The following ARHGEF10 variants were observed in gnomAD, a reference collection of about 807,000 sequenced individuals.
The protein encoded by ARHGEF10 is Rho guanine nucleotide exchange factor 10.
In ARHGEF10, 140 loss-of-function variants were observed where a neutral mutation model predicts 147.4. The observed-to-expected ratio is 0.95, with a 90% CI of 0.83 to 1.09. The LOEUF is 1.09. ARHGEF10 is among the 50% of genes least tolerant of loss of function. ARHGEF10 has a pLI of 0.00. For missense variants in ARHGEF10, 2,222 were observed against 1,752.7 expected, an observed-to-expected ratio of 1.27 and a Z score of -4.78; for synonymous variants, 902 against 695.8, an observed-to-expected ratio of 1.30 and a Z score of -4.67.
At chr8:1,827,423 C>G (rs985996203) in intron 1 of ARHGEF10, among the ~76,000 whole-genome samples, 3 of 152,158 alleles carry the variant, frequency 2.0e-5, no homozygotes, top group African/African-American at 7.2e-5. Context: ...ATTCTCCTGC[C>G]TCTGCCTCCC....
intron 11 of ARHGEF10, among the ~76,000 whole-genome samples, chr8:1,890,198 G>GT (rs1809368677): frequency 7.6e-6 from 1 of 131,834 alleles, no homozygotes; most frequent in Admixed American, 7.1e-5. Flanking sequence ...ACTGAATAGG[G>GT]TGAGGGTTGT....
intron 12 of ARHGEF10, among the ~76,000 whole-genome samples, 173 bp from the exon 13 acceptor site, chr8:1,894,220 C>G (rs1809781808): frequency 6.6e-6 from 1 of 150,946 alleles, no homozygotes; most frequent in African/African-American, 2.4e-5. Flanking sequence ...CCCCATGGAA[C>G]ATGCCTATAA....
At chr8:1,855,502 C>CT (rs1397675843) in intron 2 of ARHGEF10, among the ~76,000 whole-genome samples, 1 of 152,060 alleles carries the variant, frequency 6.6e-6, no homozygotes, top group Non-Finnish European at 1.5e-5. Context: ...CCACCTCAGC[C>CT]TTCGGAGTAG....
In ARHGEF10 at chr8:1,898,370, C is replaced by A. The variant is rs1050967232; in HGVS notation, c.1558-63C>A. On this transcript the variant is annotated intron_variant, in intron 14 of 28. Transcript: ENST00000349830. ...GTTCAGTGTGGTGGGGAGGAGGCGG[C>A]CCCAGGGGCAGGGAGGGCATGGCAG... The A allele has an allele frequency of 5.2e-5, 76 of 1,458,690 alleles. No homozygotes were observed. The Middle Eastern group carries it at 1.2e-3, about 23-fold the overall frequency. 90.4% of individuals were successfully genotyped at this position (1,458,690 alleles called of 1,614,324 possible). A position where few individuals can be genotyped will look rare whatever the true frequency, so the allele number is the denominator to read the frequency against.
intron 25 of ARHGEF10, among the ~76,000 whole-genome samples, chr8:1,931,332 A>G (rs1813125956): frequency 1.3e-5 from 2 of 152,236 alleles, no homozygotes; most frequent in South Asian, 4.1e-4. Flanking sequence ...CATTTCTATT[A>G]CGTAAAATGT....
In ARHGEF10 at chr8:1,952,230, A is replaced by G. The variant is rs77298812; in HGVS notation, c.3398-475A>G. Among the ~76,000 whole-genome samples, 72 of 152,320 alleles carry G rather than the reference A, an allele frequency of 4.7e-4. 2 individuals are homozygous for G. In the East Asian group the frequency reaches 0.014, roughly 29 times the overall value. On this transcript the variant is annotated intron_variant, in intron 27 of 28. Coordinates refer to ENST00000349830, the MANE Select transcript of ARHGEF10 (RefSeq NM_014629.4). The stretch of plus-strand genomic sequence containing the variant: ...CCGTTCAGTTCCCCTCTAGGGTCCA[A>G]CTGCGGCTGAGGGCCGGTTACTCGA...
rs761990265 is a variant in ARHGEF10 at position 1,933,947 on chromosome 8, G to A, written c.3222+5G>A. 1 of 1,614,168 alleles carries A rather than the reference G, an allele frequency of 6.2e-7. No individual in the cohort carries two copies. The highest frequency in any genetic ancestry group is 1.7e-5 in the Admixed American group (1 of 60,030). ...GTGGAGACTCATGCTGTAGAGGTAA[G>A]TCACTTAGGTGGCTACACGGTGTGG... On this transcript the variant is annotated splice_donor_5th_base_variant and intron_variant, in intron 26 of 28. Coordinates refer to ENST00000349830, the MANE Select transcript of ARHGEF10 (RefSeq NM_014629.4).
At position 1,869,482 on chromosome 8, in the gene ARHGEF10, C is replaced by T. The variant is rs557224637; in HGVS notation, c.679+232C>T. The T allele has an allele frequency of 6.2e-6, 4 of 644,376 alleles. No homozygotes were observed. The East Asian group carries it at 1.2e-4, about 19-fold the overall frequency. The allele number at this position is 644,376 out of a possible 1,614,324, so 39.9% of individuals were successfully genotyped here. A position where few individuals can be genotyped will look rare whatever the true frequency, so the allele number is the denominator to read the frequency against. The stretch of plus-strand genomic sequence containing the variant: ...TTTAATCTTACTTATCCCAAGCAAA[C>T]AGAGGAGTAAAGGTACAGAAAATGC... On this transcript the variant is annotated intron_variant, in intron 7 of 28. Coordinates refer to ENST00000349830, the MANE Select transcript of ARHGEF10 (RefSeq NM_014629.4).
intron 1 of ARHGEF10, among the ~76,000 whole-genome samples, chr8:1,838,172 C>G (rs1803705381): frequency 6.6e-6 from 1 of 152,184 alleles, no homozygotes; most frequent in Non-Finnish European, 1.5e-5. Context: ...TGCCTGGTGC[C>G]TTCCTTTCTC....
chr8:1,945,344 C>G (rs3779709), intron 26 of ARHGEF10, 137 bp from the exon 27 acceptor site: 1 of 1,045,514 alleles, frequency 9.6e-7, no homozygotes, highest in Non-Finnish European at 1.4e-6. Context: ...TTGCTGGAGA[C>G]GCCTGTGATT....
chr8:1,898,140 C>T (rs1295991290), intron 14 of ARHGEF10, among the ~76,000 whole-genome samples: 1 of 152,158 alleles, frequency 6.6e-6, no homozygotes, highest in Non-Finnish European at 1.5e-5. Flanking sequence ...ATGGCCAGAA[C>T]ACAGACACCC....
rs527748108 is a variant in ARHGEF10, at chr8:1,852,960, G to A, written c.38-5000G>A. On this transcript the variant is annotated intron_variant, in intron 2 of 28. Transcript: ENST00000349830. ...GCAGCAGAGCCTGCAGTTTTCCTGG[G>A]AAGTGCAGCTGTGGCCAGAGGGCAG... Among the ~76,000 whole-genome samples the A allele has an allele frequency of 5.9e-3, 904 of 152,358 alleles. 5 individuals carry two copies. The highest frequency in any genetic ancestry group is 0.011 in the Non-Finnish European group (737 of 68,038).
chr8:1,840,382 CTGGTGTGGAAG>C, intron 1 of ARHGEF10, among the ~76,000 whole-genome samples: 5 of 138,418 alleles, frequency 3.6e-5, no homozygotes, highest in African/African-American at 1.4e-4. Context: ...TGGGGACTGT[CTGGTGTGGAAG>C]CTGTCTGGTG....
At chr8:1,850,013 G>C in intron 2 of ARHGEF10, among the ~76,000 whole-genome samples, 1 of 78,246 alleles carries the variant, frequency 1.3e-5, no homozygotes, top group African/African-American at 5.7e-5. Context: ...TGAGGAGGGC[G>C]TGGGCCGGCT....
intron 11 of ARHGEF10, among the ~76,000 whole-genome samples, chr8:1,887,778 T>G (rs62477544): frequency 0.61 from 82,848 of 136,862 alleles, 24,806 homozygotes; most frequent in East Asian, 0.79. Context: ...AGGGTTGTGA[T>G]GAGACAGTGA....
At chr8:1,879,996 A>C (rs1463168257) in intron 8 of ARHGEF10, 52 bp from the exon 9 acceptor site, 1 of 1,314,896 alleles carries the variant, frequency 7.6e-7, no homozygotes, top group African/African-American at 1.5e-5. Context: ...AATTGTCCCA[A>C]AGAACCAAAA....
At position 1,937,019 on chromosome 8, in the gene ARHGEF10, C is replaced by G. The variant is rs1403503178; in HGVS notation, c.3222+3077C>G. On this transcript the variant is annotated intron_variant, in intron 26 of 28. Transcript: ENST00000349830. This position sits in a 1 kb window ranked among gnomAD's most constrained non-coding sequence, Gnocchi z 4.9. ...CCTGAGCCTCCTGGAGGCCGACGCT[C>G]TGCCGTGGATCATGAATAGCATTCC... 6.6e-6 allele frequency among the ~76,000 whole-genome samples: 1 copy of G among 152,214 alleles called. No individual in the cohort carries two copies. The highest frequency in any genetic ancestry group is 1.5e-5 in the Non-Finnish European group (1 of 68,036).
At chr8:1,953,658 C>T (rs963255058) in intron 28 of ARHGEF10, among the ~76,000 whole-genome samples, 2 of 152,058 alleles carry the variant, frequency 1.3e-5, no homozygotes, top group African/African-American at 2.4e-5. Context: ...CAGGAGGTGA[C>T]CCGCAGTTCG....
chr8:1,875,324 C>T (rs1807601147), intron 7 of ARHGEF10, among the ~76,000 whole-genome samples: 1 of 152,032 alleles, frequency 6.6e-6, no homozygotes, highest in African/African-American at 2.4e-5. Context: ...CGTAGGGGTG[C>T]TTTTCTCTGA....
Sources: gnomAD v4.1 joint callset for allele counts (sites outside exome capture counted in the v4.1 genomes callset) on GRCh38, gnomAD v4.1.1 for gene constraint, Gnocchi (gnomAD v3.1) non-coding constraint, MANE v1.5 for transcripts, NCBI Gene and HGNC (gene_info 2026-07-23, HGNC 2026-07-21) for gene names.